GAPVD1: variants seen among roughly 807,000 people sequenced by gnomAD.
GAPVD1 encodes GTPase activating protein and VPS9 domains 1.
GAPVD1 carries 35 observed loss-of-function variants against 155.5 expected under a neutral mutation model. That is an observed-to-expected ratio of 0.23 (90% CI 0.17 to 0.30). The LOEUF (loss-of-function observed/expected upper bound fraction) is 0.30, where lower values mean the gene tolerates loss of function less well. Ranked by LOEUF, GAPVD1 falls within the 10% of genes least tolerant of loss-of-function variation. The pLI is 1.00. For synonymous variants in GAPVD1, 636 were observed against 619.7 expected, an observed-to-expected ratio of 1.03 and a Z score of -0.39; for missense variants, 1,429 against 1,775.7, an observed-to-expected ratio of 0.80 and a Z score of 3.51.
intron 5 of GAPVD1, among the ~76,000 whole-genome samples, chr9:125,303,409 TC>T (rs1841244807): frequency 6.6e-6 from 1 of 151,158 alleles, no homozygotes; most frequent in African/African-American, 2.4e-5. Flanking sequence ...GGTGGGTAGA[TC>T]GTTTGACATC....
chr9:125,264,597 T>G (rs1001908989), intron 1 of GAPVD1, among the ~76,000 whole-genome samples: 5 of 152,178 alleles, frequency 3.3e-5, no homozygotes, highest in African/African-American at 1.2e-4. Context: ...TATGTTGGCC[T>G]TTAAATTTTT....
intron 2 of GAPVD1, among the ~76,000 whole-genome samples, chr9:125,286,148 C>G (rs1019141150): frequency 6.6e-6 from 1 of 151,976 alleles, no homozygotes; most frequent in South Asian, 2.1e-4. Flanking sequence ...GGACCTTGCT[C>G]TGTCACCCAG....
intron 2 of GAPVD1, among the ~76,000 whole-genome samples, chr9:125,286,317 AT>A (rs1837694088): frequency 6.6e-6 from 1 of 151,728 alleles, no homozygotes; most frequent in African/African-American, 2.4e-5. Context: ...TTTTTTATTT[AT>A]TTTTTGATAG....
At chr9:125,301,955 T>A in intron 4 of GAPVD1, 28 bp from the exon 5 acceptor site, 3 of 1,491,062 alleles carry the variant, frequency 2.0e-6, no homozygotes, top group Non-Finnish European at 2.7e-6. Context: ...TTATTTTGCT[T>A]GTTTGCTCTT....
rs151313530 is a variant in GAPVD1, at chr9:125,355,852, C to A, written c.3966C>A (p.Arg1322=). Residue 1322 remains arginine (R), a synonymous_variant, in exon 25 of 28, where the codon CGC becomes CGA. Coordinates refer to ENST00000297933, the MANE Select transcript of GAPVD1 (RefSeq NM_001282680.3). The part of the protein sequence containing the change: ...FYPNQDGDIL[R]DQVLHEHIQR... Reference sequence around the variant, plus strand: ...CTAATCAAGATGGGGACATACTTCGCGACCAGTAAGTACTTCTATGTTGAG... The same window carrying A: ...CTAATCAAGATGGGGACATACTTCGAGACCAGTAAGTACTTCTATGTTGAG... 12 of 1,572,500 alleles carry A rather than the reference C, an allele frequency of 7.6e-6. No individual in the cohort carries two copies. In the South Asian group the frequency reaches 1.1e-4, roughly 15 times the overall value.
At chr9:125,289,108 T>C (rs1838189885) in intron 2 of GAPVD1, among the ~76,000 whole-genome samples, 1 of 152,100 alleles carries the variant, frequency 6.6e-6, no homozygotes, top group African/African-American at 2.4e-5. Context: ...TTTATGTCTG[T>C]TGTCTTGAAA....
intron 2 of GAPVD1, among the ~76,000 whole-genome samples, chr9:125,275,931 A>AT (rs1382220862): frequency 1.3e-5 from 2 of 152,206 alleles, no homozygotes; most frequent in Admixed American, 1.3e-4. Context: ...TGAGTTGTAT[A>AT]ATAAAATCCG....
chr9:125,325,633 T>G (rs1241583592), intron 11 of GAPVD1, among the ~76,000 whole-genome samples: 1 of 151,858 alleles, frequency 6.6e-6, no homozygotes, highest in Non-Finnish European at 1.5e-5. Flanking sequence ...CAAGTCTTAC[T>G]TCTAAAAAAG....
In GAPVD1 at chr9:125,303,761, A is replaced by G. The variant is rs1476806109; in HGVS notation, c.1029+935A>G. ...GTTGCACTCCAGCCTGGGCAACAAG[A>G]GCGAAACTCCGTCTCAAAAAAAAAA... On this transcript the variant is annotated intron_variant, in intron 5 of 27. Coordinates refer to ENST00000297933, the MANE Select transcript of GAPVD1 (RefSeq NM_001282680.3). 7.1e-5 allele frequency among the ~76,000 whole-genome samples: 10 copies of G among 140,476 alleles called. No homozygotes were observed. The South Asian group carries it at 2.3e-3, about 32-fold the overall frequency. 92.2% of individuals were successfully genotyped at this position (140,476 alleles called of 152,430 possible).
At position 125,302,751 on chromosome 9, in the gene GAPVD1, A is replaced by C; in HGVS notation, c.954A>C (p.Ala318=). 1 of 1,614,114 alleles carries C rather than the reference A, an allele frequency of 6.2e-7. No homozygotes were observed. Among genetic ancestry groups the C allele is most frequent in the Non-Finnish European group, 8.5e-7 (1 of 1,179,996 alleles). ...TGTTGGCCTGCTTCATTTGTCCTGC[A>C]GTTGTCAATCCAGAACAATATGGAA... is the stretch of plus-strand genomic sequence containing the variant. ...DLLLACFICP[A]VVNPEQYGII... Residue 318 remains alanine, a synonymous_variant, in exon 5 of 28, where the codon GCA becomes GCC. Coordinates refer to ENST00000297933, the MANE Select transcript of GAPVD1 (RefSeq NM_001282680.3).
chr9:125,354,310 T>C (rs974992696), intron 23 of GAPVD1, among the ~76,000 whole-genome samples: 3 of 152,230 alleles, frequency 2.0e-5, no homozygotes, highest in Non-Finnish European at 2.9e-5. Flanking sequence ...GTCAATTTCC[T>C]ATTAAGTATG....
At chr9:125,355,117 A>T (rs916449492) in intron 24 of GAPVD1, among the ~76,000 whole-genome samples, 4 of 151,866 alleles carry the variant, frequency 2.6e-5, no homozygotes, top group African/African-American at 9.7e-5. Flanking sequence ...AGCCAAACAT[A>T]TTTTTTTTAG....
Position 125,337,058 on chromosome 9 carries a change from T to C in GAPVD1, c.2469T>C (p.Ser823=), listed in dbSNP as rs766423555. The part of the protein sequence containing the change: ...QLTSPPSQSE[S]LLAMFDPLSS... ...CCTCTCCTCCTTCTCAGTCAGAGTC[T>C]CTGCTGGCCATGTTTGATCCACTGT... Residue 823 remains serine, a synonymous_variant, in exon 16 of 28, where the codon TCT becomes TCC. Coordinates refer to ENST00000297933, the MANE Select transcript of GAPVD1 (RefSeq NM_001282680.3). 7.4e-6 allele frequency: 12 copies of C among 1,613,452 alleles called. No individual in the cohort carries two copies. In the African/African-American group the frequency reaches 1.3e-4, roughly 18 times the overall value.
intron 15 of GAPVD1, among the ~76,000 whole-genome samples, chr9:125,334,657 C>G (rs1354145705): frequency 2.6e-5 from 4 of 152,020 alleles, no homozygotes; most frequent in South Asian, 2.1e-4. Flanking sequence ...CCCAGCACTT[C>G]GAGAGGCTGA....
intron 12 of GAPVD1, among the ~76,000 whole-genome samples, chr9:125,327,300 C>T (rs775402685): frequency 2.6e-5 from 4 of 151,204 alleles, no homozygotes. Flanking sequence ...GTCTTGTAAC[C>T]CTCATCTTCA....
intron 3 of GAPVD1, among the ~76,000 whole-genome samples, chr9:125,298,432 T>C (rs10986691): frequency 0.02 from 2,962 of 151,208 alleles, 114 homozygotes; most frequent in East Asian, 0.087. Context: ...AATAAAAAGA[T>C]AGAGATTATT....
intron 25 of GAPVD1, among the ~76,000 whole-genome samples, chr9:125,358,067 A>C (rs984858520): frequency 6.6e-6 from 1 of 151,896 alleles, no homozygotes; most frequent in African/African-American, 2.4e-5. Flanking sequence ...TTTTGGGTAA[A>C]GAGACTAGGG....
chr9:125,350,010 G>T (rs1326256655), intron 21 of GAPVD1, among the ~76,000 whole-genome samples: 1 of 152,114 alleles, frequency 6.6e-6, no homozygotes, highest in African/African-American at 2.4e-5. Context: ...ATGCTTTTCC[G>T]ATTCTTATAG....
At chr9:125,328,786 G>A (rs1161435327) in intron 12 of GAPVD1, among the ~76,000 whole-genome samples, 2 of 151,916 alleles carry the variant, frequency 1.3e-5, no homozygotes, top group African/African-American at 2.4e-5. Flanking sequence ...GCCGGGCAGA[G>A]GCGCCCCTCA....
Sources: gnomAD v4.1 joint callset for allele counts (sites outside exome capture counted in the v4.1 genomes callset) on GRCh38, gnomAD v4.1.1 for gene constraint, MANE v1.5 for transcripts, NCBI Gene and HGNC (gene_info 2026-07-23, HGNC 2026-07-21) for gene names.